The following DPYSL3 variants were observed in gnomAD, a reference collection of about 807,000 sequenced individuals.
DPYSL3 encodes the protein dihydropyrimidinase like 3, also known as dihydropyrimidinase-related protein 3.
In DPYSL3, 16 loss-of-function variants were observed where a neutral mutation model predicts 66.1. That is an observed-to-expected ratio of 0.24 (90% CI 0.16 to 0.37). The LOEUF is 0.37. Ranked by LOEUF, DPYSL3 falls within the 10% of genes least tolerant of loss-of-function variation. The pLI, the probability that DPYSL3 is intolerant of heterozygous loss-of-function variation, is 1.00. For synonymous variants in DPYSL3, 338 were observed against 345.1 expected, an observed-to-expected ratio of 0.98 and a Z score of 0.23; for missense variants, 738 against 916.2, an observed-to-expected ratio of 0.81 and a Z score of 2.51.
At chr5:147,455,459 G>A (rs989122550) in intron 1 of DPYSL3, among the ~76,000 whole-genome samples, 2 of 152,186 alleles carry the variant, frequency 1.3e-5, no homozygotes, top group Admixed American at 6.5e-5. Context: ...AAACACAAGG[G>A]GGAATAAAAA....
At chr5:147,475,545 A>T (rs1753144286) in intron 1 of DPYSL3, among the ~76,000 whole-genome samples, 1 of 152,186 alleles carries the variant, frequency 6.6e-6, no homozygotes, top group Non-Finnish European at 1.5e-5. Context: ...TGAAACAAAG[A>T]TTAAAATCCT....
intron 1 of DPYSL3, among the ~76,000 whole-genome samples, chr5:147,484,075 G>T (rs1403629145): frequency 6.6e-6 from 1 of 152,180 alleles, no homozygotes; most frequent in African/African-American, 2.4e-5. Flanking sequence ...CACATAATAA[G>T]AAATCTTTGT....
chr5:147,455,048 T>G (rs560313258), intron 1 of DPYSL3, among the ~76,000 whole-genome samples: 1 of 152,240 alleles, frequency 6.6e-6, no homozygotes, highest in Non-Finnish European at 1.5e-5. Context: ...AGAAATCCTG[T>G]ATGTCACTAA....
At chr5:147,477,871 C>G (rs1309678086) in intron 1 of DPYSL3, among the ~76,000 whole-genome samples, 1 of 151,966 alleles carries the variant, frequency 6.6e-6, no homozygotes, top group Non-Finnish European at 1.5e-5. Context: ...CGTGAGCCAC[C>G]GCGCCCGGCC....
chr5:147,442,338 G>A (rs1581196659), intron 1 of DPYSL3, among the ~76,000 whole-genome samples: 1 of 152,358 alleles, frequency 6.6e-6, no homozygotes, highest in Non-Finnish European at 1.5e-5. Flanking sequence ...GCAAGACAGG[G>A]AGGAAGGCAA....
At chr5:147,451,622 C>G (rs1369151930) in intron 1 of DPYSL3, among the ~76,000 whole-genome samples, 1 of 152,082 alleles carries the variant, frequency 6.6e-6, no homozygotes, top group African/African-American at 2.4e-5. Context: ...AGAACCACTG[C>G]AGTCTAGGAG....
chr5:147,478,731 C>G (rs1048111050), intron 1 of DPYSL3, among the ~76,000 whole-genome samples: 5 of 152,288 alleles, frequency 3.3e-5, no homozygotes, highest in Middle Eastern at 3.4e-3. Flanking sequence ...CTCAAATGTA[C>G]ATTGAGGCTG....
intron 4 of DPYSL3, among the ~76,000 whole-genome samples, chr5:147,414,487 C>A (rs1751922217): frequency 6.6e-6 from 1 of 152,100 alleles, no homozygotes. Context: ...GCCTTCTCAG[C>A]CCACAGTATT....
At chr5:147,436,030 G>T (rs1178896697) in intron 1 of DPYSL3, among the ~76,000 whole-genome samples, 1 of 152,116 alleles carries the variant, frequency 6.6e-6, no homozygotes, top group Non-Finnish European at 1.5e-5. Flanking sequence ...GCCCCACAAT[G>T]ACCTAGTGAT....
At chr5:147,463,387 G>A (rs113131743) in intron 1 of DPYSL3, among the ~76,000 whole-genome samples, 2 of 152,216 alleles carry the variant, frequency 1.3e-5, no homozygotes, top group African/African-American at 4.8e-5. Context: ...AAACAAAAAC[G>A]TGGCTTAAGA....
chr5:147,464,219 T>A (rs919570315), intron 1 of DPYSL3, among the ~76,000 whole-genome samples: 7 of 152,120 alleles, frequency 4.6e-5, no homozygotes, highest in Admixed American at 1.3e-4. Flanking sequence ...ACATTTTACA[T>A]CAATGCCCTT....
intron 6 of DPYSL3, among the ~76,000 whole-genome samples, chr5:147,410,665 C>G (rs1698097260): frequency 6.6e-6 from 1 of 152,192 alleles, no homozygotes; most frequent in Non-Finnish European, 1.5e-5. Context: ...ATGCTGTCGT[C>G]TTAGACTGTT....
At chr5:147,431,978 C>T (rs1752324479) in intron 1 of DPYSL3, among the ~76,000 whole-genome samples, 1 of 152,066 alleles carries the variant, frequency 6.6e-6, no homozygotes, top group Non-Finnish European at 1.5e-5. Context: ...AACAGAAAGG[C>T]CTGGGAGAAG....
Position 147,392,285 on chromosome 5 carries a change from C to CT in DPYSL3, c.*1749dup, listed in dbSNP as rs1757833596. On this transcript the variant is annotated 3_prime_UTR_variant, in exon 14 of 14. Transcript: ENST00000343218. ...CTTCCCTATTCTAAGGGGAAATAGT[C>CT]TTTTTTCATGATTTGAACAGAAGGT... 1 of 152,182 alleles carries CT rather than the reference C, an allele frequency of 6.6e-6. No individual in the cohort carries two copies. The highest frequency in any genetic ancestry group is 1.5e-5 in the Non-Finnish European group (1 of 68,024). 9.4% of individuals were successfully genotyped at this position (152,182 alleles called of 1,614,324 possible).
At chr5:147,453,836 G>T (rs1752794756) in intron 1 of DPYSL3, 4 of 995,700 alleles carry the variant, frequency 4.0e-6, no homozygotes, top group South Asian at 3.8e-5. Context: ...CCGCGTTCAC[G>T]CCCGGGTTTT....
At chr5:147,487,311 C>T (rs1753348006) in intron 1 of DPYSL3, among the ~76,000 whole-genome samples, 1 of 152,180 alleles carries the variant, frequency 6.6e-6, no homozygotes, top group Admixed American at 6.5e-5. Flanking sequence ...GTTCTTCCTT[C>T]AATGTCAGAT....
At chr5:147,402,354 C>CTT (rs1233640144) in intron 8 of DPYSL3, among the ~76,000 whole-genome samples, 1 of 115,468 alleles carries the variant, frequency 8.7e-6, no homozygotes. Flanking sequence ...TTTTTTTTTT[C>CTT]TTTTTTTTTT....
At chr5:147,452,331 G>A (rs189907830) in intron 1 of DPYSL3, among the ~76,000 whole-genome samples, 12 of 151,994 alleles carry the variant, frequency 7.9e-5, no homozygotes, top group Non-Finnish European at 1.0e-4. Flanking sequence ...ATCAACTACT[G>A]TGGCAGGTAA....
intron 2 of DPYSL3, among the ~76,000 whole-genome samples, chr5:147,422,067 C>G (rs1266048534): frequency 2.0e-5 from 3 of 151,756 alleles, no homozygotes; most frequent in African/African-American, 7.3e-5. Flanking sequence ...TCAGAGTGAA[C>G]AGGCATGGGA....
Sources: gnomAD v4.1 joint callset for allele counts (sites outside exome capture counted in the v4.1 genomes callset) on GRCh38, gnomAD v4.1.1 for gene constraint, MANE v1.5 for transcripts, NCBI Gene and HGNC (gene_info 2026-07-23, HGNC 2026-07-21) for gene names.